NME5: variants seen among roughly 807,000 people sequenced by gnomAD.
NME5 encodes NME/NM23 family member 5.
Under a neutral mutation model 21.6 loss-of-function variants are expected in NME5, and 18 were observed. That is an observed-to-expected ratio of 0.83 (90% CI 0.58 to 1.24). The LOEUF (loss-of-function observed/expected upper bound fraction) is 1.24. Among genes scored for constraint, NME5 ranks in the 50% most tolerant of loss-of-function variants. The probability of loss-of-function intolerance (pLI) is 0.00; values close to 1 mark genes in which losing one functional copy is unlikely to be tolerated. For synonymous variants in NME5, 70 were observed against 80.6 expected (o/e 0.87, Z 0.71); for missense variants, 223 against 255.4 (o/e 0.87, Z 0.86).
intron 4 of NME5, among the ~76,000 whole-genome samples, chr5:138,123,412 A>C (rs1395789056): frequency 2.6e-5 from 4 of 151,508 alleles, no homozygotes; most frequent in African/African-American, 9.7e-5. Context: ...CCACCATTCT[A>C]CTCTCCGAGT....
At chr5:138,130,509 C>G (rs1229809490) in intron 2 of NME5, among the ~76,000 whole-genome samples, 1 of 152,134 alleles carries the variant, frequency 6.6e-6, no homozygotes, top group African/African-American at 2.4e-5. Flanking sequence ...AAAAATTAGG[C>G]CAGGCATGGT....
At chr5:138,138,987 A>T in intron 1 of NME5, 1 of 458,964 alleles carries the variant, frequency 2.2e-6, no homozygotes. Flanking sequence ...ACTATGTCCA[A>T]ATCGAGCCCC....
chr5:138,130,365 A>G (rs889676187), intron 2 of NME5, among the ~76,000 whole-genome samples: 6 of 152,148 alleles, frequency 3.9e-5, no homozygotes, highest in African/African-American at 1.2e-4. Flanking sequence ...TGGGCGATAA[A>G]GCAGACCCTG....
At chr5:138,134,515 A>T (rs1262440785) in intron 2 of NME5, among the ~76,000 whole-genome samples, 2 of 152,032 alleles carry the variant, frequency 1.3e-5, no homozygotes, top group East Asian at 3.9e-4. Context: ...AAGTGCTGGG[A>T]TTACAGGCAT....
chr5:138,117,322 T>TCAAA (rs1751184405), intron 5 of NME5, among the ~76,000 whole-genome samples: 1 of 149,984 alleles, frequency 6.7e-6, no homozygotes, highest in Non-Finnish European at 1.5e-5. Context: ...AGACATGACA[T>TCAAA]CAAAAGCACA....
intron 3 of NME5, among the ~76,000 whole-genome samples, chr5:138,128,896 G>C (rs1448784731): frequency 5.9e-5 from 9 of 152,098 alleles, no homozygotes; most frequent in Non-Finnish European, 1.3e-4. Context: ...CCATACATTA[G>C]CAATAATGCT....
intron 2 of NME5, among the ~76,000 whole-genome samples, chr5:138,132,686 C>T (rs1751596304): frequency 6.6e-6 from 1 of 152,130 alleles, no homozygotes; most frequent in African/African-American, 2.4e-5. Context: ...TAGCAAGGGA[C>T]CAAACCGCCC....
chr5:138,119,655 T>G (rs1407688363), intron 4 of NME5, among the ~76,000 whole-genome samples: 1 of 129,582 alleles, frequency 7.7e-6, no homozygotes, highest in Non-Finnish European at 1.7e-5. Context: ...TTCTTTTCTT[T>G]TCTTTATTTT....
In NME5 at chr5:138,129,283, C is replaced by A. The variant is rs761341505; in HGVS notation, c.315G>T (p.Ala105=). 4 of 1,612,990 alleles carry A rather than the reference C, an allele frequency of 2.5e-6. No individual in the cohort carries two copies. In the East Asian group the frequency reaches 8.9e-5, roughly 36 times the overall value. ...ATTACCTGTCTGGATGTGTCTCCTTCGCTACTAAGCTATTATTTGGTCCCA... is the reference window on the plus strand; with the variant it reads ...ATTACCTGTCTGGATGTGTCTCCTTAGCTACTAAGCTATTATTTGGTCCCA... ...ELLGPNNSLV[A]KETHPDSLRA... The change falls in exon 3 of 6, where the codon GCG becomes GCT. Residue 105 remains alanine, a synonymous_variant. Coordinates refer to ENST00000265191, the MANE Select transcript of NME5 (RefSeq NM_003551.3).
At chr5:138,122,413 C>T (rs1474415039) in intron 4 of NME5, among the ~76,000 whole-genome samples, 1 of 129,334 alleles carries the variant, frequency 7.7e-6, no homozygotes, top group Non-Finnish European at 1.6e-5. Context: ...GCACTCCAGC[C>T]TGGGTGACAA....
In NME5 at chr5:138,115,782, A is replaced by AT; in HGVS notation, c.556-19_556-18insA. 1 of 1,516,558 alleles carries AT rather than the reference A, an allele frequency of 6.6e-7. No individual in the cohort carries two copies. The allele number at this position is 1,516,558 out of a possible 1,614,324, so 93.9% of individuals were successfully genotyped here. A position where few individuals can be genotyped will look rare whatever the true frequency, so the allele number is the denominator to read the frequency against. On this transcript the variant is annotated intron_variant, in intron 5 of 5. Coordinates refer to ENST00000265191, the MANE Select transcript of NME5 (RefSeq NM_003551.3). The stretch of plus-strand genomic sequence containing the variant: ...AGCCAAATCTATGGGAAAAAAAAAA[A>AT]CAACCTAAGTTAAGAAACAGTTACA...
At chr5:138,132,701 CAAG>C (rs1221421010) in intron 2 of NME5, among the ~76,000 whole-genome samples, 1 of 152,160 alleles carries the variant, frequency 6.6e-6, no homozygotes, top group Non-Finnish European at 1.5e-5. Context: ...CCGCCCAGAG[CAAG>C]AAGTTTAGGA....
intron 4 of NME5, among the ~76,000 whole-genome samples, chr5:138,120,022 G>C (rs879279749): frequency 8.6e-5 from 13 of 151,180 alleles, no homozygotes; most frequent in Non-Finnish European, 1.8e-4. Context: ...CTGCAGCCTC[G>C]AACTCCTGGG....
At position 138,115,350 on chromosome 5, in the gene NME5, A is replaced by C. The variant is rs760275236; in HGVS notation, c.*331T>G. On this transcript the variant is annotated 3_prime_UTR_variant, in exon 6 of 6. Coordinates refer to ENST00000265191, the MANE Select transcript of NME5 (RefSeq NM_003551.3). ...TGTCTCAACTGTGCATTAATTATGT[A>C]TTTAGATATAGGATATGTGCTTGGG... 1.3e-4 allele frequency: 22 copies of C among 169,838 alleles called. No individual in the cohort carries two copies. Among genetic ancestry groups the C allele is most frequent in the Non-Finnish European group, 2.0e-4 (16 of 79,532 alleles). The allele number at this position is 169,838 out of a possible 1,614,324, so 10.5% of individuals were successfully genotyped here.
At chr5:138,125,748 G>A (rs532334065) in intron 4 of NME5, among the ~76,000 whole-genome samples, 2 of 152,310 alleles carry the variant, frequency 1.3e-5, no homozygotes, top group African/African-American at 4.8e-5. Flanking sequence ...CTGAGTAGCT[G>A]AGATTACAAG....
chr5:138,129,212 T>C (rs1751500496), intron 3 of NME5, 51 bp downstream of exon 3: 1 of 1,293,606 alleles, frequency 7.7e-7, no homozygotes, highest in African/African-American at 1.5e-5. Context: ...TTTTTTTTCA[T>C]TTTCACAGAT....
intron 4 of NME5, 36 bp from the exon 5 acceptor site, chr5:138,118,972 TAATGATTA>T: frequency 8.5e-7 from 1 of 1,182,082 alleles, no homozygotes; most frequent in Non-Finnish European, 1.3e-6. Flanking sequence ...GATGCAAACA[TAATGATTA>T]AATACTATAC....
At chr5:138,129,819 G>T (rs1002672339) in intron 2 of NME5, among the ~76,000 whole-genome samples, 1 of 152,068 alleles carries the variant, frequency 6.6e-6, no homozygotes, top group East Asian at 1.9e-4. Flanking sequence ...TTAGCCGGGC[G>T]GGCGGCATGC....
intron 2 of NME5, among the ~76,000 whole-genome samples, chr5:138,135,986 G>A (rs1009846607): frequency 3.9e-5 from 6 of 152,122 alleles, no homozygotes; most frequent in Admixed American, 2.0e-4. Context: ...TCCGTTAACA[G>A]TACAGACAGG....
Sources: allele counts gnomAD v4.1 joint callset (sites outside exome capture counted in the v4.1 genomes callset), GRCh38; gene constraint gnomAD v4.1.1; transcripts MANE v1.5; gene names NCBI Gene and HGNC (gene_info 2026-07-23, HGNC 2026-07-21).